Variants in TPRG1 observed in about 807,000 individuals in gnomAD.
TPRG1 encodes tumor protein p63 regulated 1.
A neutral mutation model predicts 29.3 loss-of-function variants in TPRG1; 29 were observed. The observed-to-expected ratio is 0.99, with a 90% CI of 0.74 to 1.35. The LOEUF is 1.35. Ranked by LOEUF, TPRG1 falls within the 40% of genes most tolerant of loss-of-function variation. The pLI is 0.00. For missense variants in TPRG1, 327 were observed against 335.0 expected (o/e 0.98, Z 0.19); for synonymous variants, 130 against 116.8 (o/e 1.11, Z -0.73).
chr3:189,242,762 G>A (rs1185716995), intron 4 of TPRG1, among the ~76,000 whole-genome samples: 1 of 151,682 alleles, frequency 6.6e-6, no homozygotes, highest in African/African-American at 2.4e-5. Context: ...TTCTTGGTGG[G>A]AAATTCTCAT....
chr3:189,251,333 C>T (rs1269437952), intron 4 of TPRG1, among the ~76,000 whole-genome samples: 3 of 152,118 alleles, frequency 2.0e-5, no homozygotes, highest in African/African-American at 7.2e-5. Context: ...CAAGTAAAGG[C>T]TGTGGATGAT....
intron 3 of TPRG1, among the ~76,000 whole-genome samples, chr3:189,009,352 G>T (rs768221660): frequency 6.6e-5 from 10 of 152,086 alleles, no homozygotes; most frequent in Non-Finnish European, 1.2e-4. Flanking sequence ...CTGAGGGAAA[G>T]GACATTGGCC....
At chr3:189,152,083 G>A (rs1026113638) in intron 5 of TPRG1, among the ~76,000 whole-genome samples, 1 of 152,110 alleles carries the variant, frequency 6.6e-6, no homozygotes, top group Non-Finnish European at 1.5e-5. Flanking sequence ...AGGGACTGCA[G>A]GAGCTAGAGC....
intron 4 of TPRG1, among the ~76,000 whole-genome samples, chr3:189,299,944 T>C (rs1379053982): frequency 6.6e-6 from 1 of 152,170 alleles, no homozygotes; most frequent in Non-Finnish European, 1.5e-5. Flanking sequence ...GCTGAGAAAG[T>C]GTTTCTGAAT....
At chr3:189,061,154 C>A (rs1283618150) in intron 4 of TPRG1, among the ~76,000 whole-genome samples, 2 of 152,144 alleles carry the variant, frequency 1.3e-5, no homozygotes, top group Non-Finnish European at 2.9e-5. Context: ...CATTCACAAC[C>A]ATTTGATCTT....
At chr3:189,075,942 A>G (rs1717143238) in intron 4 of TPRG1, among the ~76,000 whole-genome samples, 1 of 152,188 alleles carries the variant, frequency 6.6e-6, no homozygotes. Flanking sequence ...AAAGGCGCTC[A>G]GGTTCTTTGT....
chr3:189,263,000 A>G (rs1270483182), intron 4 of TPRG1, among the ~76,000 whole-genome samples: 1 of 152,244 alleles, frequency 6.6e-6, no homozygotes, highest in South Asian at 2.1e-4. Flanking sequence ...TGAGACGTTG[A>G]GCAAAATAGA....
At chr3:189,032,591 T>C (rs1713988188) in intron 4 of TPRG1, among the ~76,000 whole-genome samples, 1 of 148,340 alleles carries the variant, frequency 6.7e-6, no homozygotes, top group Non-Finnish European at 1.5e-5. Flanking sequence ...TCTCCTTTTT[T>C]TTTCTTTTTT....
In TPRG1 at chr3:189,177,121, G is replaced by T. The variant is rs142231208; in HGVS notation, c.-10+4990G>T. Reference sequence around the variant, plus strand: ...AGGATGTAGCTGGTTGTGCAGGAATGAGAATGTTTTGATTCTAGTGGCTGA... The same window carrying T: ...AGGATGTAGCTGGTTGTGCAGGAATTAGAATGTTTTGATTCTAGTGGCTGA... On this transcript the variant is annotated intron_variant, in intron 1 of 5. Transcript: ENST00000345063. 7.5e-4 allele frequency among the ~76,000 whole-genome samples: 114 copies of T among 152,300 alleles called. No homozygotes were observed. The Middle Eastern group carries it at 0.01, about 14-fold the overall frequency.
At chr3:189,159,283 A>G (rs1352221156) in intron 5 of TPRG1, among the ~76,000 whole-genome samples, 1 of 152,176 alleles carries the variant, frequency 6.6e-6, no homozygotes, top group African/African-American at 2.4e-5. Flanking sequence ...AGCAGACCCA[A>G]CTCTGGGAAT....
intron 3 of TPRG1, among the ~76,000 whole-genome samples, chr3:189,146,123 A>T (rs1440374188): frequency 1.3e-5 from 2 of 152,222 alleles, no homozygotes; most frequent in African/African-American, 2.4e-5. Flanking sequence ...GGCTTGTGGA[A>T]CAGGAGACCC....
intron 1 of TPRG1, among the ~76,000 whole-genome samples, chr3:189,203,051 G>A (rs1241018628): frequency 6.6e-6 from 1 of 152,086 alleles, no homozygotes; most frequent in African/African-American, 2.4e-5. Flanking sequence ...ATTTCAGGGG[G>A]TCTGTTTCAA....
At chr3:189,024,999 A>G (rs1468314503) in intron 4 of TPRG1, among the ~76,000 whole-genome samples, 1 of 152,216 alleles carries the variant, frequency 6.6e-6, no homozygotes, top group South Asian at 2.1e-4. Context: ...GGGAGGTGCT[A>G]TGGAAGTGGG....
intron 1 of TPRG1, among the ~76,000 whole-genome samples, chr3:189,125,813 T>TTG (rs751689409): frequency 0.079 from 9,775 of 123,866 alleles, 372 homozygotes; most frequent in Non-Finnish European, 0.11. Flanking sequence ...GCAGGGTGTT[T>TTG]TGTGTGTGTG....
At chr3:189,037,698 A>G (rs954259751) in intron 4 of TPRG1, among the ~76,000 whole-genome samples, 1 of 151,888 alleles carries the variant, frequency 6.6e-6, no homozygotes, top group African/African-American at 2.4e-5. Context: ...TTAATCATTT[A>G]TGGAAACTAA....
At chr3:189,199,813 G>A (rs1469647608) in intron 1 of TPRG1, among the ~76,000 whole-genome samples, 1 of 152,190 alleles carries the variant, frequency 6.6e-6, no homozygotes, top group South Asian at 2.1e-4. Context: ...CCTGGAGGCA[G>A]AGGTTGCAGT....
chr3:189,232,346 C>T (rs537823187), intron 3 of TPRG1, among the ~76,000 whole-genome samples: 1 of 152,288 alleles, frequency 6.6e-6, no homozygotes, highest in South Asian at 2.1e-4. Flanking sequence ...GCAACTTGTG[C>T]TTTTCCAACC....
At chr3:189,265,303 C>G (rs1033549703) in intron 4 of TPRG1, among the ~76,000 whole-genome samples, 2 of 152,194 alleles carry the variant, frequency 1.3e-5, no homozygotes, top group South Asian at 4.1e-4. Flanking sequence ...GGCCTGTCTT[C>G]TCCTTCCACT....
intron 4 of TPRG1, among the ~76,000 whole-genome samples, chr3:189,061,509 A>G (rs1397394776): frequency 6.6e-6 from 1 of 152,258 alleles, no homozygotes; most frequent in Non-Finnish European, 1.5e-5. Flanking sequence ...CAGACAATGT[A>G]CAGAATGTGA....
Sources: gnomAD v4.1 joint callset for allele counts (sites outside exome capture counted in the v4.1 genomes callset) on GRCh38, gnomAD v4.1.1 for gene constraint, MANE v1.5 for transcripts, NCBI Gene and HGNC (gene_info 2026-07-23, HGNC 2026-07-21) for gene names.